MAGI1: variants seen among roughly 807,000 people sequenced by gnomAD.
The protein encoded by MAGI1 is membrane-associated guanylate kinase, WW and PDZ domain-containing protein 1.
A neutral mutation model predicts 139.9 loss-of-function variants in MAGI1; 58 were observed. The ratio of observed to expected loss-of-function variants is 0.41; its 90% CI spans 0.34 to 0.52. MAGI1 has a LOEUF of 0.52. Among genes scored for constraint, MAGI1 ranks in the 20% least tolerant of loss-of-function variants. The pLI, the probability that MAGI1 is intolerant of heterozygous loss-of-function variation, is 0.12. For synonymous variants in MAGI1, 812 were observed against 737.9 expected, an observed-to-expected ratio of 1.10 and a Z score of -1.63; for missense variants, 1,874 against 1,901.6, an observed-to-expected ratio of 0.99 and a Z score of 0.27.
At chr3:65,803,012 C>T (rs72894132) in intron 1 of MAGI1, among the ~76,000 whole-genome samples, 3,518 of 152,174 alleles carry the variant, frequency 0.023, 140 homozygotes, top group African/African-American at 0.081. Context: ...AGAGAGAGGA[C>T]ATTACCAGTA....
intron 1 of MAGI1, among the ~76,000 whole-genome samples, chr3:65,692,541 T>A (rs1217088109): frequency 6.6e-6 from 1 of 152,140 alleles, no homozygotes; most frequent in East Asian, 1.9e-4. Context: ...GCCAGTGTCA[T>A]CACCAACATC....
chr3:65,680,565 C>T (rs887560539), intron 1 of MAGI1, among the ~76,000 whole-genome samples: 3 of 152,090 alleles, frequency 2.0e-5, no homozygotes, highest in Non-Finnish European at 4.4e-5. Flanking sequence ...CAAGCACACA[C>T]CACCGCACCT....
At chr3:65,502,075 T>C (rs1004000336) in intron 2 of MAGI1, among the ~76,000 whole-genome samples, 6 of 152,192 alleles carry the variant, frequency 3.9e-5, no homozygotes, top group Non-Finnish European at 7.3e-5. Context: ...CACTGTTTTG[T>C]TTCTTGCCTG....
At chr3:65,554,575 AAC>A (rs2079998970) in intron 2 of MAGI1, among the ~76,000 whole-genome samples, 1 of 152,234 alleles carries the variant, frequency 6.6e-6, no homozygotes. Context: ...AAGAAGAAGC[AAC>A]ACAACACCAA....
chr3:65,686,059 C>T (rs1576725926), intron 1 of MAGI1, among the ~76,000 whole-genome samples: 1 of 151,930 alleles, frequency 6.6e-6, no homozygotes, highest in South Asian at 2.1e-4. Flanking sequence ...GAAAACACCT[C>T]CGGCAAGACT....
At chr3:65,383,402 A>G in intron 15 of MAGI1, 130 bp downstream of exon 15, 1 of 678,166 alleles carries the variant, frequency 1.5e-6, no homozygotes, top group Non-Finnish European at 2.6e-6. Flanking sequence ...TGAGAAACCC[A>G]CACTACTCAA....
At chr3:66,021,686 G>A (rs1327918144) in intron 1 of MAGI1, among the ~76,000 whole-genome samples, 1 of 152,160 alleles carries the variant, frequency 6.6e-6, no homozygotes, top group Non-Finnish European at 1.5e-5. Context: ...GGTCTGGGAT[G>A]GGGTCTAGTA....
chr3:65,999,377 T>C (rs928035970), intron 1 of MAGI1, among the ~76,000 whole-genome samples: 8 of 152,136 alleles, frequency 5.3e-5, no homozygotes, highest in African/African-American at 1.7e-4. Context: ...TCATCTATGG[T>C]ACTGATATGC....
At chr3:65,799,814 A>G (rs2040402027) in intron 1 of MAGI1, among the ~76,000 whole-genome samples, 1 of 152,192 alleles carries the variant, frequency 6.6e-6, no homozygotes, top group African/African-American at 2.4e-5. Flanking sequence ...CAACTTTTGA[A>G]AACTCTGTAG....
At chr3:65,973,544 C>T (rs1391064084) in intron 1 of MAGI1, among the ~76,000 whole-genome samples, 1 of 152,228 alleles carries the variant, frequency 6.6e-6, no homozygotes, top group South Asian at 2.1e-4. Context: ...ACTCCCGAAG[C>T]ATGGTACTGC....
In MAGI1 at chr3:65,616,059, T is replaced by C. The variant is rs1040285761; in HGVS notation, c.430+5913A>G. Among the ~76,000 whole-genome samples, 6 of 152,368 alleles carry C rather than the reference T, an allele frequency of 3.9e-5. No homozygotes were observed. In the East Asian group the frequency reaches 5.8e-4, roughly 15 times the overall value. ...TGTTGGAACATCCTCTTACACAGGA[T>C]AATTTGGACAGAACCACATTTAAAG... is the stretch of plus-strand genomic sequence containing the variant. On this transcript the variant is annotated intron_variant, in intron 2 of 22. Transcript: ENST00000402939.
At chr3:65,645,003 A>T (rs541609570) in intron 1 of MAGI1, among the ~76,000 whole-genome samples, 2 of 148,854 alleles carry the variant, frequency 1.3e-5, no homozygotes, top group African/African-American at 4.9e-5. Flanking sequence ...TCTCAAAAAA[A>T]AAAATAAAAA....
At chr3:65,896,351 C>T (rs77659060) in intron 1 of MAGI1, among the ~76,000 whole-genome samples, 2,627 of 150,350 alleles carry the variant, frequency 0.017, 70 homozygotes, top group African/African-American at 0.061. Flanking sequence ...GGTTATCAAT[C>T]GAGGACAATT....
chr3:65,582,461 A>G (rs905793921), intron 2 of MAGI1, among the ~76,000 whole-genome samples: 2 of 152,174 alleles, frequency 1.3e-5, no homozygotes, highest in African/African-American at 4.8e-5. Context: ...GTAGTAATGG[A>G]GAGGATGATT....
chr3:65,390,121 AC>A (rs1358866120), intron 14 of MAGI1, among the ~76,000 whole-genome samples: 1 of 152,006 alleles, frequency 6.6e-6, no homozygotes, highest in East Asian at 1.9e-4. Flanking sequence ...GAGGCCAGGG[AC>A]CCACACCTCA....
At chr3:65,600,955 A>G (rs1192268971) in intron 2 of MAGI1, among the ~76,000 whole-genome samples, 4 of 152,170 alleles carry the variant, frequency 2.6e-5, no homozygotes, top group Non-Finnish European at 4.4e-5. Context: ...TGACCTTACA[A>G]TGACTCTACT....
At chr3:65,425,113 AAAAAAAAAAAAAAAAAAAAC>A (rs1946921723) in intron 12 of MAGI1, among the ~76,000 whole-genome samples, 1 of 20,234 alleles carries the variant, frequency 4.9e-5, no homozygotes, top group Admixed American at 9.2e-4. Flanking sequence ...ACTTCTAAAA[AAAAAAAAAAAAAAAAAAAAC>A]AAAAAAAAAC....
chr3:65,394,379 A>C (rs902244596), intron 13 of MAGI1, among the ~76,000 whole-genome samples: 2 of 152,186 alleles, frequency 1.3e-5, no homozygotes, highest in Non-Finnish European at 2.9e-5. Context: ...TGCCATCTAA[A>C]CTTTATACCT....
At chr3:65,469,104 C>A (rs1950386883) in intron 5 of MAGI1, among the ~76,000 whole-genome samples, 1 of 152,078 alleles carries the variant, frequency 6.6e-6, no homozygotes, top group Non-Finnish European at 1.5e-5. Context: ...ATAGATACTT[C>A]TAGAACTTTC....
Sources: gnomAD v4.1 joint callset for allele counts (sites outside exome capture counted in the v4.1 genomes callset) on GRCh38, gnomAD v4.1.1 for gene constraint, MANE v1.5 for transcripts, NCBI Gene and HGNC (gene_info 2026-07-23, HGNC 2026-07-21) for gene names.